The following ATRNL1 variants were observed in gnomAD, a reference collection of about 807,000 sequenced individuals.
ATRNL1 encodes the protein attractin-like protein 1.
In ATRNL1, 95 loss-of-function variants were observed where a neutral mutation model predicts 182.7. The ratio of observed to expected loss-of-function variants is 0.52; its 90% CI spans 0.44 to 0.62. ATRNL1 has a LOEUF of 0.62. ATRNL1 is among the 20% of genes least tolerant of loss of function. The pLI, the probability that ATRNL1 is intolerant of heterozygous loss-of-function variation, is 0.00. For synonymous variants in ATRNL1, 576 were observed against 568.3 expected (o/e 1.01, Z -0.19); for missense variants, 1,471 against 1,679.5 (o/e 0.88, Z 2.17).
chr10:115,420,438 T>A (rs1210616832), intron 20 of ATRNL1, among the ~76,000 whole-genome samples: 1 of 152,102 alleles, frequency 6.6e-6, no homozygotes, highest in Non-Finnish European at 1.5e-5. Context: ...CTTTGGAAAC[T>A]GTATACGTAC....
chr10:115,119,560 G>C (rs962636934), intron 1 of ATRNL1, among the ~76,000 whole-genome samples: 2 of 152,058 alleles, frequency 1.3e-5, no homozygotes, highest in South Asian at 4.1e-4. Flanking sequence ...TCTGAAAATA[G>C]AGTTTTTCCA....
intron 1 of ATRNL1, among the ~76,000 whole-genome samples, chr10:115,101,401 G>C (rs1023619406): frequency 2.6e-5 from 4 of 151,828 alleles, no homozygotes; most frequent in Non-Finnish European, 5.9e-5. Context: ...AGTTTGCCAA[G>C]AGTTTTTACC....
chr10:115,682,733 T>C (rs182000700), intron 26 of ATRNL1, among the ~76,000 whole-genome samples: 2 of 152,166 alleles, frequency 1.3e-5, no homozygotes, highest in East Asian at 1.9e-4. Flanking sequence ...ACCTTTATGC[T>C]CTTGTGCTCC....
chr10:115,829,555 C>G (rs1236412906), intron 27 of ATRNL1, among the ~76,000 whole-genome samples: 1 of 151,046 alleles, frequency 6.6e-6, no homozygotes, highest in African/African-American at 2.4e-5. Context: ...GCAATGCGAG[C>G]TGAGCAGCAC....
At chr10:115,237,890 C>G (rs915722247) in intron 9 of ATRNL1, among the ~76,000 whole-genome samples, 2 of 152,082 alleles carry the variant, frequency 1.3e-5, no homozygotes, top group African/African-American at 2.4e-5. Flanking sequence ...GCGATCTATT[C>G]TGAGTTAATT....
intron 8 of ATRNL1, among the ~76,000 whole-genome samples, chr10:115,180,598 C>G (rs1391568749): frequency 1.3e-5 from 2 of 151,760 alleles, no homozygotes; most frequent in Non-Finnish European, 2.9e-5. Context: ...GATTTTCCAG[C>G]AGAAAGATGA....
chr10:115,641,499 A>G (rs974053412), intron 26 of ATRNL1, among the ~76,000 whole-genome samples: 2 of 152,194 alleles, frequency 1.3e-5, no homozygotes, highest in Non-Finnish European at 2.9e-5. Context: ...CTTTGTAGAT[A>G]TGGTTCTTAG....
intron 26 of ATRNL1, among the ~76,000 whole-genome samples, chr10:115,694,950 C>T (rs1946511239): frequency 6.6e-6 from 1 of 150,720 alleles, no homozygotes; most frequent in African/African-American, 2.4e-5. Flanking sequence ...CGCACACACA[C>T]ACACACACAC....
chr10:115,779,343 G>GAC (rs1949206632), intron 27 of ATRNL1, among the ~76,000 whole-genome samples: 1 of 152,206 alleles, frequency 6.6e-6, no homozygotes, highest in African/African-American at 2.4e-5. Context: ...GAGAAGTTAG[G>GAC]ACAGTGCTCT....
intron 24 of ATRNL1, among the ~76,000 whole-genome samples, chr10:115,518,200 TC>T (rs1175223751): frequency 3.3e-5 from 5 of 151,900 alleles, no homozygotes; most frequent in Admixed American, 6.6e-5. Context: ...TTTTCTTCAC[TC>T]AGGGATCATA....
intron 8 of ATRNL1, among the ~76,000 whole-genome samples, chr10:115,208,581 T>C (rs782618103): frequency 8.5e-5 from 13 of 152,088 alleles, no homozygotes; most frequent in Admixed American, 1.3e-4. Context: ...ATTTTGGTAC[T>C]ACATCTCTTC....
At chr10:115,684,645 G>GT (rs1946161422) in intron 26 of ATRNL1, among the ~76,000 whole-genome samples, 1 of 151,418 alleles carries the variant, frequency 6.6e-6, no homozygotes, top group Admixed American at 6.6e-5. Flanking sequence ...ATTCCACTAT[G>GT]TAATATATCA....
chr10:115,881,446 ACT>A (rs1326477632), intron 28 of ATRNL1, among the ~76,000 whole-genome samples: 2 of 151,974 alleles, frequency 1.3e-5, no homozygotes, highest in Non-Finnish European at 1.5e-5. Context: ...CAACACATCA[ACT>A]CTGTAGCACA....
intron 24 of ATRNL1, among the ~76,000 whole-genome samples, chr10:115,502,995 G>C (rs1384448676): frequency 6.6e-6 from 1 of 152,122 alleles, no homozygotes; most frequent in African/African-American, 2.4e-5. Context: ...GTATGTCTCA[G>C]GAATACAGTT....
rs184443171 is a variant in ATRNL1 at position 115,877,231 on chromosome 10, T to C, written c.4018+29240T>C. ...TTTAGGTAGAAAGGCAGTCATTTTA[T>C]TTGCTGTTAATGTGAAAAGAGATAT... On this transcript the variant is annotated intron_variant, in intron 28 of 28. Coordinates refer to ENST00000355044, the MANE Select transcript of ATRNL1 (RefSeq NM_207303.4). Among the ~76,000 whole-genome samples the C allele has an allele frequency of 4.4e-4, 67 of 151,720 alleles. No homozygotes were observed. The South Asian group carries it at 6.2e-3, about 14-fold the overall frequency.
chr10:115,724,115 C>T lies in ATRNL1; in HGVS notation c.3796-3133C>T, dbSNP rs536124188. On this transcript the variant is annotated intron_variant, in intron 26 of 28. Coordinates refer to ENST00000355044, the MANE Select transcript of ATRNL1 (RefSeq NM_207303.4). ...TGCTATATGGCTTCTTATGGGTATA[C>T]AAAATGTTAAGCTTCATTTTATATA... 8.9e-4 allele frequency among the ~76,000 whole-genome samples: 136 copies of T among 152,198 alleles called. 1 individual carries two copies. Among genetic ancestry groups the T allele is most frequent in the African/African-American group, 3.0e-3 (126 of 41,512 alleles).
At chr10:115,263,377 A>G (rs1219976568) in intron 10 of ATRNL1, among the ~76,000 whole-genome samples, 1 of 151,908 alleles carries the variant, frequency 6.6e-6, no homozygotes, top group Admixed American at 6.6e-5. Context: ...ATGTGGAGAC[A>G]TATGAACCCT....
chr10:115,473,164 A>C (rs1554972436), intron 24 of ATRNL1, among the ~76,000 whole-genome samples: 1 of 151,268 alleles, frequency 6.6e-6, no homozygotes, highest in Non-Finnish European at 1.5e-5. Flanking sequence ...TGTATGTTGA[A>C]CCATCCATGC....
chr10:115,481,792 TA>T (rs1848783052), intron 24 of ATRNL1, among the ~76,000 whole-genome samples: 1 of 150,882 alleles, frequency 6.6e-6, no homozygotes, highest in African/African-American at 2.4e-5. Flanking sequence ...GCTTCCATTT[TA>T]AACCTAAACT....
Sources: gnomAD v4.1 joint callset for allele counts (sites outside exome capture counted in the v4.1 genomes callset) on GRCh38, gnomAD v4.1.1 for gene constraint, MANE v1.5 for transcripts, NCBI Gene and HGNC (gene_info 2026-07-23, HGNC 2026-07-21) for gene names.